CERKL: variants seen among roughly 807,000 people sequenced by gnomAD.
The protein encoded by CERKL is ceramide kinase-like protein.
Under a neutral mutation model 63.4 loss-of-function variants are expected in CERKL, and 61 were observed. The ratio of observed to expected loss-of-function variants is 0.96; its 90% CI spans 0.78 to 1.19. CERKL has a LOEUF of 1.19. CERKL is among the 50% of genes most tolerant of loss of function. CERKL has a pLI of 0.00. For missense variants in CERKL, 675 were observed against 655.5 expected, an observed-to-expected ratio of 1.03 and a Z score of -0.33; for synonymous variants, 250 against 230.5, an observed-to-expected ratio of 1.08 and a Z score of -0.77.
intron 10 of CERKL, among the ~76,000 whole-genome samples, chr2:181,545,261 A>T (rs1296314396): frequency 6.6e-6 from 1 of 152,218 alleles, no homozygotes; most frequent in Non-Finnish European, 1.5e-5. Flanking sequence ...GTGACATAGG[A>T]AATGAAATAA....
At chr2:181,577,735 A>C (rs75215101) in intron 2 of CERKL, among the ~76,000 whole-genome samples, 2,929 of 152,208 alleles carry the variant, frequency 0.019, 75 homozygotes, top group African/African-American at 0.065. Context: ...AGGCAGTGAC[A>C]TGGGGTGGAA....
chr2:181,595,468 G>A (rs1213918637), intron 2 of CERKL, among the ~76,000 whole-genome samples: 1 of 152,158 alleles, frequency 6.6e-6, no homozygotes, highest in African/African-American at 2.4e-5. Flanking sequence ...TTTCTAGCAG[G>A]TGTATGAAGT....
intron 2 of CERKL, among the ~76,000 whole-genome samples, chr2:181,595,621 C>T (rs1043965796): frequency 6.6e-6 from 1 of 152,176 alleles, no homozygotes; most frequent in African/African-American, 2.4e-5. Context: ...CAGACATGTA[C>T]AGATTTATTC....
At chr2:181,554,438 T>G (rs1348728263) in intron 5 of CERKL, among the ~76,000 whole-genome samples, 1 of 152,192 alleles carries the variant, frequency 6.6e-6, no homozygotes, top group Non-Finnish European at 1.5e-5. Context: ...AGCATGAATT[T>G]ATTTATGCAA....
intron 1 of CERKL, among the ~76,000 whole-genome samples, chr2:181,632,512 A>G (rs1422589849): frequency 1.3e-5 from 2 of 152,216 alleles, no homozygotes; most frequent in Admixed American, 6.5e-5. Flanking sequence ...AAGAACATCA[A>G]GTAAACAATT....
chr2:181,591,813 C>T (rs1006923990), intron 2 of CERKL, among the ~76,000 whole-genome samples: 1 of 152,138 alleles, frequency 6.6e-6, no homozygotes, highest in South Asian at 2.1e-4. Flanking sequence ...CAAGAGTCTA[C>T]AAGGTATGAC....
At chr2:181,554,213 C>G (rs1416487598) in intron 5 of CERKL, among the ~76,000 whole-genome samples, 1 of 146,706 alleles carries the variant, frequency 6.8e-6, no homozygotes, top group African/African-American at 2.5e-5. Flanking sequence ...AGCACTTCTG[C>G]AGAACAATTA....
chr2:181,538,995 A>G, intron 12 of CERKL, 97 bp downstream of exon 12: 1 of 921,264 alleles, frequency 1.1e-6, no homozygotes, highest in Non-Finnish European at 1.8e-6. Context: ...AAAACTAACC[A>G]ACTGCCTGCT....
chr2:181,628,483 T>C (rs1686806598), intron 1 of CERKL, among the ~76,000 whole-genome samples: 1 of 152,186 alleles, frequency 6.6e-6, no homozygotes, highest in Non-Finnish European at 1.5e-5. Flanking sequence ...AGTTCATTTG[T>C]TTGAAATGCT....
At chr2:181,541,500 C>T (rs1224496421) in intron 11 of CERKL, among the ~76,000 whole-genome samples, 1 of 152,128 alleles carries the variant, frequency 6.6e-6, no homozygotes, top group Non-Finnish European at 1.5e-5. Context: ...AGGCAGGGAC[C>T]TGGATACAAA....
At chr2:181,635,448 G>A (rs1687135483) in intron 1 of CERKL, among the ~76,000 whole-genome samples, 1 of 152,054 alleles carries the variant, frequency 6.6e-6, no homozygotes, top group Non-Finnish European at 1.5e-5. Flanking sequence ...AGATAAATGG[G>A]TGAGGAATGG....
intron 1 of CERKL, among the ~76,000 whole-genome samples, chr2:181,639,074 A>C (rs1574056803): frequency 6.6e-6 from 1 of 152,250 alleles, no homozygotes; most frequent in African/African-American, 2.4e-5. Context: ...AGGTTGACAT[A>C]TTTAAAAAAT....
intron 1 of CERKL, among the ~76,000 whole-genome samples, chr2:181,655,399 T>C (rs1164798692): frequency 6.6e-6 from 1 of 152,254 alleles, no homozygotes; most frequent in Non-Finnish European, 1.5e-5. Flanking sequence ...TTTGGGCTAA[T>C]CCAAACTGTA....
Position 181,656,770 on chromosome 2 carries a change from C to T in CERKL, c.237G>A (p.Ala79=). The change falls in exon 1 of 13, where the codon GCG becomes GCA. Residue 79 remains alanine (A), a splice_region_variant and synonymous_variant. Transcript: ENST00000410087. ...RWRPIQPERP[A]GDSKYDLLCK... is the part of the protein sequence containing the mutation. ...AGACGCTTGGGGCCGGGCACTCACC[C>T]GCCGGGCGCTCGGGCTGAATGGGCC... is the stretch of plus-strand genomic sequence containing the variant. 6.3e-7 allele frequency: 1 copy of T among 1,590,786 alleles called. No individual in the cohort carries two copies. The highest frequency in any genetic ancestry group is 8.6e-7 in the Non-Finnish European group (1 of 1,168,118).
At chr2:181,649,440 A>G (rs1359961811) in intron 1 of CERKL, 8 of 152,244 alleles carry the variant, frequency 5.3e-5, no homozygotes, top group African/African-American at 1.2e-4. Flanking sequence ...CTCCAATACA[A>G]TAATAGTAAG....
chr2:181,541,573 G>T (rs926179290), intron 11 of CERKL, among the ~76,000 whole-genome samples: 1 of 152,162 alleles, frequency 6.6e-6, no homozygotes, highest in Non-Finnish European at 1.5e-5. Context: ...AGGCACTGAA[G>T]AATTAAGCAG....
chr2:181,572,780 C>CTTTTTTTTTTTTTTTT (rs5836800), intron 3 of CERKL, among the ~76,000 whole-genome samples: 1 of 131,196 alleles, frequency 7.6e-6, no homozygotes, highest in Non-Finnish European at 1.6e-5. Context: ...ACAAAACTTG[C>CTTTTTTTTTTTTTTTT]TTTTTTTTTT....
chr2:181,600,736 A>T (rs1346418960), intron 2 of CERKL, among the ~76,000 whole-genome samples: 3 of 152,200 alleles, frequency 2.0e-5, no homozygotes, highest in Non-Finnish European at 2.9e-5. Flanking sequence ...CTATGGGGAA[A>T]AAAAGCTATA....
At chr2:181,538,280 T>A in intron 12 of CERKL, 36 bp from the exon 13 acceptor site, 2 of 1,372,780 alleles carry the variant, frequency 1.5e-6, no homozygotes, top group South Asian at 2.3e-5. Flanking sequence ...CAACTTATTT[T>A]GTTGTTTTTC....
Sources: gnomAD v4.1 joint callset for allele counts (sites outside exome capture counted in the v4.1 genomes callset) on GRCh38, gnomAD v4.1.1 for gene constraint, MANE v1.5 for transcripts, NCBI Gene and HGNC (gene_info 2026-07-23, HGNC 2026-07-21) for gene names.